The following ZNF362 variants were observed in gnomAD, a reference collection of about 807,000 sequenced individuals.
ZNF362 encodes the protein rotund homolog.
In ZNF362, 11 loss-of-function variants were observed where a neutral mutation model predicts 42.9. The ratio of observed to expected loss-of-function variants is 0.26; its 90% confidence interval spans 0.16 to 0.42. The LOEUF (loss-of-function observed/expected upper bound fraction) is 0.42. ZNF362 is among the 20% of genes least tolerant of loss of function. The pLI is 1.00. For synonymous variants in ZNF362, 255 were observed against 257.3 expected, an observed-to-expected ratio of 0.99 and a Z score of 0.09; for missense variants, 362 against 576.2, an observed-to-expected ratio of 0.63 and a Z score of 3.81.
the ZNF362 span, among the ~76,000 whole-genome samples, chr1:33,231,015 T>C: frequency 6.6e-6 from 1 of 152,254 alleles, no homozygotes; most frequent in Non-Finnish European, 1.5e-5. Context: ...CACATTCGTT[T>C]TTATGATTAA....
At chr1:33,249,478 A>G in the ZNF362 span, among the ~76,000 whole-genome samples, 1 of 152,174 alleles carries the variant, frequency 6.6e-6, no homozygotes, top group South Asian at 2.1e-4. Context: ...CCAAAGCTCC[A>G]TTCATATCTC....
chr1:33,138,132 C>T, the ZNF362 span, among the ~76,000 whole-genome samples: 1 of 152,100 alleles, frequency 6.6e-6, no homozygotes, highest in African/African-American at 2.4e-5. Flanking sequence ...TGAAAGGGAG[C>T]CAGTAGGCAG....
chr1:33,150,709 C>G, the ZNF362 span, among the ~76,000 whole-genome samples: 33,362 of 151,966 alleles, frequency 0.22, 3,767 homozygotes, highest in South Asian at 0.3. Context: ...GGAATGTGGG[C>G]AATTCCCACA....
the ZNF362 span, among the ~76,000 whole-genome samples, chr1:33,206,831 T>G: frequency 1.3e-5 from 2 of 152,148 alleles, no homozygotes; most frequent in East Asian, 3.8e-4. Context: ...TAAAATATGT[T>G]CGACATCATT....
At chr1:33,206,465 G>A in the ZNF362 span, among the ~76,000 whole-genome samples, 1 of 152,162 alleles carries the variant, frequency 6.6e-6, no homozygotes, top group African/African-American at 2.4e-5. Context: ...TAAGCATGGT[G>A]ATATGAACCT....
At chr1:33,135,115 G>A in the ZNF362 span, among the ~76,000 whole-genome samples, 7 of 152,198 alleles carry the variant, frequency 4.6e-5, no homozygotes, top group South Asian at 6.2e-4. Flanking sequence ...GTGAAACCCC[G>A]TCTCTACTAA....
the ZNF362 span, among the ~76,000 whole-genome samples, chr1:33,173,252 A>G: frequency 3.9e-5 from 6 of 152,150 alleles, no homozygotes; most frequent in Non-Finnish European, 8.8e-5. Flanking sequence ...CCCTGCTTCT[A>G]GGGTCTCCCA....
At chr1:33,219,483 G>A in the ZNF362 span, among the ~76,000 whole-genome samples, 1 of 152,214 alleles carries the variant, frequency 6.6e-6, no homozygotes, top group Non-Finnish European at 1.5e-5. Flanking sequence ...AGCGAGGAAG[G>A]GGAGGACTCG....
chr1:33,181,022 C>T, the ZNF362 span: 20 of 1,457,094 alleles, frequency 1.4e-5, no homozygotes, highest in East Asian at 1.9e-4. This position sits in a 1 kb window ranked among gnomAD's most constrained non-coding sequence, Gnocchi z 6.5. Flanking sequence ...CCGGGTAGCG[C>T]ACCTGCAGCT....
chr1:33,213,705 C>T, the ZNF362 span, among the ~76,000 whole-genome samples: 3 of 151,836 alleles, frequency 2.0e-5, no homozygotes. Flanking sequence ...ATTAACTGGG[C>T]GTGGTGGCAT....
chr1:33,186,991 C>G, the ZNF362 span, among the ~76,000 whole-genome samples: 35 of 151,404 alleles, frequency 2.3e-4, no homozygotes, highest in Non-Finnish European at 3.7e-4. Flanking sequence ...GAAGGTGATA[C>G]AGGGAAGGGA....
the ZNF362 span, among the ~76,000 whole-genome samples, chr1:33,237,297 A>C: frequency 4.1e-3 from 621 of 152,326 alleles, 6 homozygotes; most frequent in African/African-American, 0.014. Flanking sequence ...AGTTTAATAG[A>C]TGTCAGGTAC....
chr1:33,165,682 C>G, the ZNF362 span: 2 of 814,654 alleles, frequency 2.5e-6, no homozygotes, highest in East Asian at 3.1e-5. The surrounding 1 kb of genome is among the most constrained non-coding windows in gnomAD (Gnocchi z 4.0). Flanking sequence ...ACCTCCAACA[C>G]TTGCCTCCCG....
the ZNF362 span, among the ~76,000 whole-genome samples, chr1:33,193,509 T>C: frequency 6.6e-6 from 1 of 152,148 alleles, no homozygotes; most frequent in Non-Finnish European, 1.5e-5. Flanking sequence ...GGAAAGAAAG[T>C]CAGAAGATGA....
At chr1:33,193,183 G>A in the ZNF362 span, among the ~76,000 whole-genome samples, 1 of 152,148 alleles carries the variant, frequency 6.6e-6, no homozygotes, top group Non-Finnish European at 1.5e-5. Context: ...AAGCTCAGGT[G>A]GAGCTAGAAA....
the ZNF362 span, among the ~76,000 whole-genome samples, chr1:33,210,931 G>C: frequency 9.2e-6 from 1 of 109,174 alleles, no homozygotes; most frequent in South Asian, 3.3e-4. Context: ...TTACATTTAA[G>C]GTTAATTTTT....
At chr1:33,135,628 A>T in the ZNF362 span, among the ~76,000 whole-genome samples, 1 of 152,088 alleles carries the variant, frequency 6.6e-6, no homozygotes, top group African/African-American at 2.4e-5. Context: ...CTGTCCCTCA[A>T]ACATGCTGTT....
At chr1:33,177,388 C>A in the ZNF362 span, among the ~76,000 whole-genome samples, 6 of 152,258 alleles carry the variant, frequency 3.9e-5, no homozygotes, top group South Asian at 8.3e-4. This position sits in a 1 kb window ranked among gnomAD's most constrained non-coding sequence, Gnocchi z 4.1. Context: ...AACATCATAT[C>A]CTCTTGTTAT....
chr1:33,290,090 T>G (rs926285515), intron 6 of ZNF362, among the ~76,000 whole-genome samples: 20 of 151,010 alleles, frequency 1.3e-4, no homozygotes, highest in East Asian at 7.8e-4. Flanking sequence ...GCTGGGTGGG[T>G]TTTTTTTTAT....
Sources: gnomAD v4.1 joint callset for allele counts (sites outside exome capture counted in the v4.1 genomes callset) on GRCh38, gnomAD v4.1.1 for gene constraint, Gnocchi (gnomAD v3.1) non-coding constraint, MANE v1.5 for transcripts, NCBI Gene and HGNC (gene_info 2026-07-23, HGNC 2026-07-21) for gene names.